TCF7L1: variants seen among roughly 807,000 people sequenced by gnomAD.
TCF7L1 encodes the protein transcription factor 7 like 1.
In TCF7L1, 18 loss-of-function variants were observed where a neutral mutation model predicts 63.7. The ratio of observed to expected loss-of-function variants is 0.28; its 90% confidence interval spans 0.20 to 0.42. The LOEUF (loss-of-function observed/expected upper bound fraction) is 0.42, where lower values mean the gene tolerates loss of function less well. Ranked by LOEUF, TCF7L1 falls within the 10% of genes least tolerant of loss-of-function variation. The probability of loss-of-function intolerance (pLI) is 1.00; values close to 1 mark genes in which losing one functional copy is unlikely to be tolerated. For synonymous variants in TCF7L1, 355 were observed against 340.9 expected, an observed-to-expected ratio of 1.04 and a Z score of -0.46; for missense variants, 654 against 779.3, an observed-to-expected ratio of 0.84 and a Z score of 1.91.
intron 3 of TCF7L1, among the ~76,000 whole-genome samples, chr2:85,245,551 A>G (rs1284621128): frequency 1.3e-5 from 2 of 152,110 alleles, no homozygotes; most frequent in East Asian, 1.9e-4. Flanking sequence ...GGTGGCTCAC[A>G]TCTGTAATCC....
At chr2:85,182,923 C>T (rs1678836713) in intron 3 of TCF7L1, among the ~76,000 whole-genome samples, 1 of 152,186 alleles carries the variant, frequency 6.6e-6, no homozygotes. Context: ...TCTGCATTGC[C>T]AACAAGTTCT....
At chr2:85,251,155 G>C (rs766668304) in intron 3 of TCF7L1, among the ~76,000 whole-genome samples, 1 of 152,114 alleles carries the variant, frequency 6.6e-6, no homozygotes, top group Non-Finnish European at 1.5e-5. Context: ...TGTTTACTTG[G>C]GTTTTGTTTT....
chr2:85,272,464 C>G (rs1160767924), intron 3 of TCF7L1, among the ~76,000 whole-genome samples: 1 of 152,296 alleles, frequency 6.6e-6, no homozygotes, highest in African/African-American at 2.4e-5. Context: ...GCTTTTCTCA[C>G]TGAACAGTTT....
At position 85,241,433 on chromosome 2, in the gene TCF7L1, TTTTG is replaced by T. The variant is rs1251291360; in HGVS notation, c.442-42058_442-42055del. 8.4e-4 allele frequency among the ~76,000 whole-genome samples: 96 copies of T among 113,714 alleles called. 5 individuals carry two copies. The highest frequency in any genetic ancestry group is 4.4e-3 in the African/African-American group (91 of 20,782). 74.6% of individuals were successfully genotyped at this position (113,714 alleles called of 152,430 possible). A position where few individuals can be genotyped will look rare whatever the true frequency, so the allele number is the denominator to read the frequency against. On this transcript the variant is annotated intron_variant, in intron 3 of 11. Transcript: ENST00000282111. Reference sequence around the variant, plus strand: ...ATCCAGAGGACTGGATGCACTTTGTTTTTGTTTTTTTTTTTTTTTTTTTTTTTTT... The same window carrying T: ...ATCCAGAGGACTGGATGCACTTTGTTTTTTTTTTTTTTTTTTTTTTTTTTT...
At chr2:85,218,060 C>A (rs376607045) in intron 3 of TCF7L1, among the ~76,000 whole-genome samples, 1 of 151,870 alleles carries the variant, frequency 6.6e-6, no homozygotes, top group East Asian at 1.9e-4. Flanking sequence ...GAAGAATGCC[C>A]GAGAGGTGTT....
chr2:85,239,073 A>T (rs1374643669), intron 3 of TCF7L1, among the ~76,000 whole-genome samples: 18 of 152,046 alleles, frequency 1.2e-4, no homozygotes, highest in Non-Finnish European at 2.9e-5. Flanking sequence ...CAGGGGTATG[A>T]CTAAATCTGA....
At chr2:85,304,160 T>G in intron 6 of TCF7L1, 95 bp from the exon 7 acceptor site, 1 of 1,379,962 alleles carries the variant, frequency 7.2e-7, no homozygotes, top group Non-Finnish European at 1.0e-6. Context: ...CCTTCCCGCT[T>G]CCTTCCCATA....
intron 3 of TCF7L1, among the ~76,000 whole-genome samples, chr2:85,208,727 G>T (rs1350725626): frequency 6.6e-6 from 1 of 152,192 alleles, no homozygotes; most frequent in Non-Finnish European, 1.5e-5. Flanking sequence ...TCTTTTTGTG[G>T]AAGGGACAAT....
intron 3 of TCF7L1, among the ~76,000 whole-genome samples, chr2:85,163,123 G>A (rs1289590614): frequency 6.6e-6 from 1 of 152,048 alleles, no homozygotes; most frequent in Non-Finnish European, 1.5e-5. Flanking sequence ...GAATCATCTG[G>A]GGAGCTTTTT....
At chr2:85,213,029 G>A (rs1679610252) in intron 3 of TCF7L1, among the ~76,000 whole-genome samples, 1 of 152,114 alleles carries the variant, frequency 6.6e-6, no homozygotes, top group Non-Finnish European at 1.5e-5. Flanking sequence ...TGGGTGAGGT[G>A]TGGGGTGGGG....
intron 3 of TCF7L1, among the ~76,000 whole-genome samples, chr2:85,222,991 CG>C (rs1650234868): frequency 6.6e-6 from 1 of 152,086 alleles, no homozygotes; most frequent in African/African-American, 2.4e-5. Flanking sequence ...TGAATGGAGA[CG>C]GGCCATGAGC....
At chr2:85,277,980 C>T (rs892177876) in intron 3 of TCF7L1, among the ~76,000 whole-genome samples, 1 of 152,194 alleles carries the variant, frequency 6.6e-6, no homozygotes, top group Non-Finnish European at 1.5e-5. Flanking sequence ...ATCTCCGTAG[C>T]TCATTGGCAG....
Position 85,240,690 on chromosome 2 carries a change from C to T in TCF7L1, c.442-42805C>T, listed in dbSNP as rs1359116968. 3.3e-5 allele frequency among the ~76,000 whole-genome samples: 5 copies of T among 151,226 alleles called. No homozygotes were observed. The South Asian group carries it at 6.3e-4, about 19-fold the overall frequency. Reference sequence around the variant, plus strand: ...CCCAGCTACTCTGAGGCAGGAGAATCGCTTGAACCCAGGCGGCAGAGGTTG... The same window carrying T: ...CCCAGCTACTCTGAGGCAGGAGAATTGCTTGAACCCAGGCGGCAGAGGTTG... On this transcript the variant is annotated intron_variant, in intron 3 of 11. Coordinates refer to ENST00000282111, the MANE Select transcript of TCF7L1 (RefSeq NM_031283.3).
chr2:85,176,770 T>A (rs1678686193), intron 3 of TCF7L1, among the ~76,000 whole-genome samples: 1 of 152,024 alleles, frequency 6.6e-6, no homozygotes, highest in African/African-American at 2.4e-5. Context: ...GTGGATCAGT[T>A]GAAGTCAGGA....
rs1214885569 is a variant in TCF7L1, at chr2:85,298,407, C to T, written c.526-4077C>T. On this transcript the variant is annotated intron_variant, in intron 4 of 11. Coordinates refer to ENST00000282111, the MANE Select transcript of TCF7L1 (RefSeq NM_031283.3). The stretch of plus-strand genomic sequence containing the variant: ...TCGGGAGGCTGAGGCCAGAGAATTG[C>T]TTGAACCTGGGAGGCGGAGGTTGCA... 3.5e-5 allele frequency among the ~76,000 whole-genome samples: 5 copies of T among 142,494 alleles called. No individual in the cohort carries two copies. In the East Asian group the frequency reaches 1.1e-3, roughly 31 times the overall value. 93.5% of individuals were successfully genotyped at this position (142,494 alleles called of 152,430 possible). A position where few individuals can be genotyped will look rare whatever the true frequency, so the allele number is the denominator to read the frequency against.
intron 4 of TCF7L1, among the ~76,000 whole-genome samples, chr2:85,287,528 T>C (rs1455576320): frequency 1.3e-5 from 2 of 152,194 alleles, no homozygotes; most frequent in Admixed American, 6.5e-5. Context: ...GGAGCAGGGG[T>C]CCCTTATTTT....
intron 11 of TCF7L1, among the ~76,000 whole-genome samples, chr2:85,308,447 CTTT>C (rs1573037160): frequency 9.0e-4 from 56 of 62,382 alleles, no homozygotes; most frequent in Admixed American, 1.4e-3. Flanking sequence ...CTCCCTTTCT[CTTT>C]CCCTCCCTCT....
intron 3 of TCF7L1, among the ~76,000 whole-genome samples, chr2:85,184,728 C>G (rs532746349): frequency 6.6e-6 from 1 of 152,278 alleles, no homozygotes; most frequent in East Asian, 1.9e-4. Flanking sequence ...TGTGCTTAGA[C>G]TGAGGTGGCC....
chr2:85,157,042 G>A (rs368227339), intron 3 of TCF7L1, among the ~76,000 whole-genome samples: 2 of 152,190 alleles, frequency 1.3e-5, no homozygotes, highest in African/African-American at 4.8e-5. Flanking sequence ...GTCCATAGCC[G>A]AGGCTGAGAA....
Sources: allele counts gnomAD v4.1 joint callset (sites outside exome capture counted in the v4.1 genomes callset), GRCh38; gene constraint gnomAD v4.1.1; transcripts MANE v1.5; gene names NCBI Gene and HGNC (gene_info 2026-07-23, HGNC 2026-07-21).